The following SLIT3 variants were observed in gnomAD, a reference collection of about 807,000 sequenced individuals.
The protein encoded by SLIT3 is slit guidance ligand 3.
SLIT3 carries 68 observed loss-of-function variants against 184.0 expected under a neutral mutation model. The observed-to-expected ratio is 0.37, with a 90% CI of 0.30 to 0.45. The LOEUF (loss-of-function observed/expected upper bound fraction) is 0.45, where lower values mean the gene tolerates loss of function less well. Among genes scored for constraint, SLIT3 ranks in the 20% least tolerant of loss-of-function variants. The pLI is 1.00. For synonymous variants in SLIT3, 831 were observed against 828.6 expected, an observed-to-expected ratio of 1.00 and a Z score of -0.05; for missense variants, 1,707 against 2,026.0, an observed-to-expected ratio of 0.84 and a Z score of 3.02.
intron 4 of SLIT3, among the ~76,000 whole-genome samples, chr5:168,927,940 G>A (rs548297075): frequency 6.6e-6 from 1 of 152,328 alleles, no homozygotes; most frequent in East Asian, 1.9e-4. Flanking sequence ...GCCCTAGCAG[G>A]ATGGATCTCT....
intron 4 of SLIT3, among the ~76,000 whole-genome samples, chr5:169,006,632 A>ACACACACAC (rs752430679): frequency 0.016 from 2,165 of 132,662 alleles, 29 homozygotes; most frequent in Non-Finnish European, 0.025. Flanking sequence ...CACACACACA[A>ACACACACAC]CTCTCCAAGC....
intron 5 of SLIT3, among the ~76,000 whole-genome samples, chr5:168,857,992 A>T (rs1361587912): frequency 6.6e-6 from 1 of 152,222 alleles, no homozygotes; most frequent in African/African-American, 2.4e-5. Context: ...TCTTCTGGAG[A>T]TGTCTCCTCT....
At chr5:168,932,704 C>G (rs1393377866) in intron 4 of SLIT3, among the ~76,000 whole-genome samples, 1 of 152,204 alleles carries the variant, frequency 6.6e-6, no homozygotes, top group Non-Finnish European at 1.5e-5. Flanking sequence ...TGGCCAAATT[C>G]TTACCCTCAT....
In SLIT3 at chr5:169,064,370, G is replaced by A. The variant is rs190107926; in HGVS notation, c.413+129109C>T. On this transcript the variant is annotated intron_variant, in intron 4 of 35. Coordinates refer to ENST00000519560, the MANE Select transcript of SLIT3 (RefSeq NM_003062.4). ...GATTTAGTCCAATAAAAGCAATGGCGGTCACATTGGTGAATGCCCACTATG... is the reference window on the plus strand; with the variant it reads ...GATTTAGTCCAATAAAAGCAATGGCAGTCACATTGGTGAATGCCCACTATG... Among the ~76,000 whole-genome samples the A allele has an allele frequency of 3.0e-3, 451 of 152,260 alleles. 3 individuals carry two copies. The highest frequency in any genetic ancestry group is 4.4e-3 in the Non-Finnish European group (301 of 68,016).
chr5:169,142,961 C>T (rs1480721225), intron 4 of SLIT3, among the ~76,000 whole-genome samples: 1 of 152,282 alleles, frequency 6.6e-6, no homozygotes, highest in Non-Finnish European at 1.5e-5. Context: ...CCAGAGGCCA[C>T]CTTTCTTGCT....
chr5:168,757,072 A>G (rs888015216), intron 16 of SLIT3, among the ~76,000 whole-genome samples: 3 of 152,252 alleles, frequency 2.0e-5, no homozygotes, highest in African/African-American at 7.2e-5. Context: ...GCTGAAGGAC[A>G]GAAAGTGCAG....
intron 4 of SLIT3, chr5:169,013,503 T>C (rs977932100): frequency 1.3e-5 from 2 of 152,224 alleles, no homozygotes; most frequent in Admixed American, 1.3e-4. Context: ...CCGATCCTTC[T>C]GCTCTCAGAG....
chr5:168,937,042 G>T (rs990823254), intron 4 of SLIT3, among the ~76,000 whole-genome samples: 3 of 152,226 alleles, frequency 2.0e-5, no homozygotes, highest in African/African-American at 7.2e-5. Flanking sequence ...ATCAGAAAAG[G>T]CTTTCTGAAG....
intron 3 of SLIT3, among the ~76,000 whole-genome samples, chr5:169,222,520 G>GA (rs561980932): frequency 7.9e-5 from 12 of 151,578 alleles, no homozygotes; most frequent in African/African-American, 2.9e-4. Flanking sequence ...TGTGATGAAA[G>GA]AAAAAAAAGA....
intron 1 of SLIT3, among the ~76,000 whole-genome samples, chr5:169,266,170 CCTGCA>C (rs1561776654): frequency 6.6e-6 from 1 of 152,138 alleles, no homozygotes; most frequent in African/African-American, 2.4e-5. Context: ...AAAACACTTC[CCTGCA>C]CTGCATAGGA....
intron 1 of SLIT3, among the ~76,000 whole-genome samples, chr5:169,284,881 A>G (rs1420201687): frequency 6.6e-6 from 1 of 152,170 alleles, no homozygotes; most frequent in Non-Finnish European, 1.5e-5. Context: ...GAGAAAGACA[A>G]GTAATTTTTC....
chr5:168,939,474 T>C (rs775096053), intron 4 of SLIT3, among the ~76,000 whole-genome samples: 1 of 152,206 alleles, frequency 6.6e-6, no homozygotes, highest in Admixed American at 6.5e-5. Context: ...GTAGATTCTA[T>C]AAAGGAAGGC....
rs1161343030 is a variant in SLIT3 at position 169,277,073 on chromosome 5, C to T, written c.197+23440G>A. On this transcript the variant is annotated intron_variant, in intron 1 of 35. Coordinates refer to ENST00000519560, the MANE Select transcript of SLIT3 (RefSeq NM_003062.4). ...CATTCAGCCCTAACTCCCCTTTCTC[C>T]CCTCCCCAGCCCATCATAACCTTTA... is the stretch of plus-strand genomic sequence containing the variant. 4.6e-5 allele frequency among the ~76,000 whole-genome samples: 7 copies of T among 152,174 alleles called. No individual in the cohort carries two copies. In the South Asian group the frequency reaches 1.5e-3, roughly 32 times the overall value.
intron 1 of SLIT3, among the ~76,000 whole-genome samples, chr5:169,281,232 A>C (rs998046733): frequency 6.6e-6 from 1 of 152,230 alleles, no homozygotes; most frequent in African/African-American, 2.4e-5. Flanking sequence ...TCATCCCAGC[A>C]CTTTGGGAGG....
intron 6 of SLIT3, among the ~76,000 whole-genome samples, chr5:168,833,503 T>G (rs1415455840): frequency 6.6e-6 from 1 of 152,154 alleles, no homozygotes; most frequent in Non-Finnish European, 1.5e-5. Flanking sequence ...GCCATCTGAC[T>G]GGACAATCTA....
chr5:169,150,542 C>T (rs920800784), intron 4 of SLIT3, among the ~76,000 whole-genome samples: 2 of 151,728 alleles, frequency 1.3e-5, no homozygotes, highest in African/African-American at 4.9e-5. Flanking sequence ...CACACACACA[C>T]ACCCTTACCT....
chr5:169,296,672 GGTGTCA>G (rs1206238401), intron 1 of SLIT3, among the ~76,000 whole-genome samples: 1 of 152,202 alleles, frequency 6.6e-6, no homozygotes, highest in Non-Finnish European at 1.5e-5. Flanking sequence ...CCTATGACAT[GGTGTCA>G]GTTTTTATTG....
chr5:169,071,637 G>GT (rs1212472991), intron 4 of SLIT3, among the ~76,000 whole-genome samples: 2 of 152,190 alleles, frequency 1.3e-5, no homozygotes, highest in Admixed American at 1.3e-4. Flanking sequence ...CTTCAGGGGA[G>GT]TTTTTGTGGC....
At chr5:169,281,606 G>A (rs148580190) in intron 1 of SLIT3, among the ~76,000 whole-genome samples, 188 of 73,910 alleles carry the variant, frequency 2.5e-3, no homozygotes, top group African/African-American at 0.011. Context: ...AATAATTGAT[G>A]GGGGGAAATG....
Sources: gnomAD v4.1 joint callset for allele counts (sites outside exome capture counted in the v4.1 genomes callset) on GRCh38, gnomAD v4.1.1 for gene constraint, MANE v1.5 for transcripts, NCBI Gene and HGNC (gene_info 2026-07-23, HGNC 2026-07-21) for gene names.